RAD54B: variants seen among roughly 807,000 people sequenced by gnomAD.
The protein encoded by RAD54B is DNA repair and recombination protein RAD54B.
In RAD54B, 78 loss-of-function variants were observed where a neutral mutation model predicts 95.8. The observed-to-expected ratio is 0.81, with a 90% CI of 0.68 to 0.98. The LOEUF (loss-of-function observed/expected upper bound fraction) is 0.98. Ranked by LOEUF, RAD54B falls within the 50% of genes least tolerant of loss-of-function variation. The probability of loss-of-function intolerance (pLI) is 0.00; values close to 1 mark genes in which losing one functional copy is unlikely to be tolerated. For missense variants in RAD54B, 957 were observed against 1,056.6 expected, an observed-to-expected ratio of 0.91 and a Z score of 1.31; for synonymous variants, 328 against 354.9, an observed-to-expected ratio of 0.92 and a Z score of 0.85.
At chr8:94,386,223 A>G (rs1810886777) in intron 11 of RAD54B, among the ~76,000 whole-genome samples, 2 of 145,268 alleles carry the variant, frequency 1.4e-5, no homozygotes, top group South Asian at 2.3e-4. Context: ...AATAAAATCA[A>G]TAGAATTTAG....
chr8:94,401,492 T>C (rs1586138126), intron 6 of RAD54B, among the ~76,000 whole-genome samples: 1 of 152,318 alleles, frequency 6.6e-6, no homozygotes, highest in African/African-American at 2.4e-5. Flanking sequence ...ATACAGTATA[T>C]AATACATATA....
chr8:94,380,693 T>A (rs904454145), intron 11 of RAD54B, among the ~76,000 whole-genome samples: 1 of 152,194 alleles, frequency 6.6e-6, no homozygotes, highest in Admixed American at 6.5e-5. Context: ...GAACAGAAAC[T>A]AACTCTGAAG....
chr8:94,428,011 G>A, intron 3 of RAD54B: 1 of 928,876 alleles, frequency 1.1e-6, no homozygotes, highest in Non-Finnish European at 1.3e-6. Flanking sequence ...AAGAAATCTG[G>A]TATTCGTTAG....
intron 3 of RAD54B, among the ~76,000 whole-genome samples, chr8:94,442,271 G>A (rs1271656040): frequency 1.3e-5 from 2 of 152,092 alleles, no homozygotes; most frequent in Admixed American, 1.3e-4. Context: ...GTTGGTTAAT[G>A]GGTACAAAAG....
In RAD54B at chr8:94,393,841, T is replaced by A; in HGVS notation, c.1420A>T (p.Ile474Phe). Residue 474 changes from isoleucine (I) to phenylalanine (F), a missense_variant, in exon 9 of 15, where the codon ATT becomes TTT. Ile to Phe is a conservative substitution (Grantham distance 21, BLOSUM62 0). Transcript: ENST00000336148. ...QNDLQEFFAL[I>F]DFVNPGILGS... ...AATATTCCTGGATTTACAAAATCAA[T>A]TAATGCAAAAAATTCTTGCAGATCA... 1.2e-6 allele frequency: 2 copies of A among 1,602,438 alleles called. No individual in the cohort carries two copies. The highest frequency in any genetic ancestry group is 1.7e-6 in the Non-Finnish European group (2 of 1,171,526).
intron 5 of RAD54B, among the ~76,000 whole-genome samples, chr8:94,406,466 G>A (rs1382414848): frequency 6.6e-6 from 1 of 152,136 alleles, no homozygotes; most frequent in East Asian, 1.9e-4. Flanking sequence ...TCCACTGCCT[G>A]TATTTCAACT....
At chr8:94,382,164 T>C (rs1373936875) in intron 11 of RAD54B, among the ~76,000 whole-genome samples, 2 of 146,002 alleles carry the variant, frequency 1.4e-5, no homozygotes, top group Non-Finnish European at 3.0e-5. Context: ...AGACATGGAG[T>C]CTTCAGATAA....
chr8:94,389,398 T>C (rs184276299), intron 10 of RAD54B, among the ~76,000 whole-genome samples: 98 of 152,344 alleles, frequency 6.4e-4, no homozygotes, highest in African/African-American at 2.3e-3. Flanking sequence ...CCTGGACTAA[T>C]GTAATTTTAA....
At chr8:94,461,583 A>G (rs1288067782) in intron 2 of RAD54B, among the ~76,000 whole-genome samples, 1 of 152,156 alleles carries the variant, frequency 6.6e-6, no homozygotes, top group East Asian at 1.9e-4. Context: ...AAGTCAACTA[A>G]TGAAGGTCAC....
At chr8:94,473,619 A>C (rs1813221958) in intron 1 of RAD54B, among the ~76,000 whole-genome samples, 1 of 152,192 alleles carries the variant, frequency 6.6e-6, no homozygotes, top group South Asian at 2.1e-4. Context: ...CCTGTGAAGG[A>C]GATAGAGAAG....
At chr8:94,442,493 T>G (rs1313513256) in intron 3 of RAD54B, among the ~76,000 whole-genome samples, 1 of 148,420 alleles carries the variant, frequency 6.7e-6, no homozygotes, top group Non-Finnish European at 1.5e-5. Context: ...GAGAATGGCG[T>G]GAACCCGGGA....
chr8:94,386,646 G>A (rs1463523136), intron 11 of RAD54B, among the ~76,000 whole-genome samples: 1 of 152,118 alleles, frequency 6.6e-6, no homozygotes, highest in East Asian at 1.9e-4. Flanking sequence ...CTCAGGAAGT[G>A]TGTTAAGAGT....
intron 3 of RAD54B, among the ~76,000 whole-genome samples, chr8:94,436,073 T>C (rs1258168066): frequency 1.3e-5 from 2 of 152,118 alleles, no homozygotes; most frequent in Non-Finnish European, 2.9e-5. Context: ...AAAGCAAGGT[T>C]CCATTTCTCT....
At chr8:94,380,083 C>G (rs1810695828) in intron 12 of RAD54B, 62 bp downstream of exon 12, 1 of 1,487,742 alleles carries the variant, frequency 6.7e-7, no homozygotes, top group South Asian at 1.3e-5. Flanking sequence ...TCTTTGTATC[C>G]TCAATAGGCA....
rs558161391 is a variant in RAD54B at position 94,406,508 on chromosome 8, G to A, written c.781+931C>T. On this transcript the variant is annotated intron_variant, in intron 5 of 14. Coordinates refer to ENST00000336148, the MANE Select transcript of RAD54B (RefSeq NM_012415.3). ...TTGGGATAAGCTAATATAGAACTCA[G>A]AATTTTTAATTGTGGGGTTTTGTCC... Among the ~76,000 whole-genome samples the A allele has an allele frequency of 3.3e-5, 5 of 152,250 alleles. No individual in the cohort carries two copies. In the East Asian group the frequency reaches 7.7e-4, roughly 23 times the overall value.
chr8:94,388,904 T>C (rs187635172), intron 10 of RAD54B, among the ~76,000 whole-genome samples: 67 of 152,286 alleles, frequency 4.4e-4, no homozygotes, highest in African/African-American at 1.6e-3. Context: ...TTCAGAAACT[T>C]GAATATGCTT....
intron 9 of RAD54B, 50 bp from the exon 10 acceptor site, chr8:94,391,949 C>T (rs756797907): frequency 1.4e-6 from 2 of 1,442,170 alleles, no homozygotes; most frequent in East Asian, 2.3e-5. Flanking sequence ...CAAAAATACA[C>T]TTAAAATGAA....
At chr8:94,463,340 A>G (rs1812949766) in intron 2 of RAD54B, among the ~76,000 whole-genome samples, 1 of 151,866 alleles carries the variant, frequency 6.6e-6, no homozygotes, top group Non-Finnish European at 1.5e-5. Flanking sequence ...AAAGTGCTCC[A>G]TATCAGCTAT....
At chr8:94,429,326 A>G (rs1034405527) in intron 3 of RAD54B, 50 of 494,830 alleles carry the variant, frequency 1.0e-4, no homozygotes, top group African/African-American at 1.0e-3. Flanking sequence ...TTGTATATAC[A>G]TAATTTTTAC....
Sources: gnomAD v4.1 joint callset for allele counts (sites outside exome capture counted in the v4.1 genomes callset) on GRCh38, gnomAD v4.1.1 for gene constraint, MANE v1.5 for transcripts, NCBI Gene and HGNC (gene_info 2026-07-23, HGNC 2026-07-21) for gene names.